Variants in HCK observed in about 807,000 individuals in gnomAD.
HCK encodes the protein tyrosine-protein kinase HCK.
HCK carries 40 observed loss-of-function variants against 70.4 expected under a neutral mutation model. The ratio of observed to expected loss-of-function variants is 0.57; its 90% CI spans 0.44 to 0.74. HCK has a LOEUF of 0.74. Ranked by LOEUF, HCK falls within the 30% of genes least tolerant of loss-of-function variation. HCK has a pLI of 0.00. For synonymous variants in HCK, 245 were observed against 263.2 expected (o/e 0.93, Z 0.67); for missense variants, 568 against 697.2 (o/e 0.81, Z 2.09).
At chr20:32,084,290 C>A in intron 7 of HCK, 101 bp from the exon 8 acceptor site, 1 of 1,331,004 alleles carries the variant, frequency 7.5e-7, no homozygotes, top group Non-Finnish European at 1.0e-6. Flanking sequence ...CCAGGTGGAA[C>A]ACTGGAGAGA....
At chr20:32,099,601 G>A (rs1309260643) in intron 12 of HCK, among the ~76,000 whole-genome samples, 1 of 151,906 alleles carries the variant, frequency 6.6e-6, no homozygotes. Flanking sequence ...TAGGTGATGC[G>A]CCTGCCTCGG....
chr20:32,072,989 A>C (rs1171746140), intron 2 of HCK, among the ~76,000 whole-genome samples: 2 of 151,962 alleles, frequency 1.3e-5, no homozygotes, highest in Non-Finnish European at 2.9e-5. Context: ...AATCCCAGCT[A>C]CTTGGGAGGC....
intron 11 of HCK, among the ~76,000 whole-genome samples, chr20:32,096,030 C>T (rs1271012437): frequency 1.3e-5 from 2 of 151,802 alleles, no homozygotes; most frequent in Non-Finnish European, 2.9e-5. Context: ...GCTGGGATTA[C>T]AAGCATGTGC....
chr20:32,087,202 A>G, intron 9 of HCK, among the ~76,000 whole-genome samples: 1 of 152,198 alleles, frequency 6.6e-6, no homozygotes, highest in Non-Finnish European at 1.5e-5. Context: ...GAGCTGGCAA[A>G]GCAGCAGTTC....
chr20:32,074,731 C>T lies in HCK; in HGVS notation c.428+10C>T, dbSNP rs756690016. 2.5e-6 allele frequency: 4 copies of T among 1,594,750 alleles called. No individual in the cohort carries two copies. The South Asian group carries it at 4.4e-5, about 18-fold the overall frequency. On this transcript the variant is annotated intron_variant, in intron 5 of 12. Transcript: ENST00000375852. ...CTCTGGAGACAGAGGAGTAAGTATC[C>T]TATTTCCTACCTTCCAGAAAGAGGC... is the stretch of plus-strand genomic sequence containing the variant.
At chr20:32,070,508 C>G (rs1389425925) in intron 1 of HCK, among the ~76,000 whole-genome samples, 2 of 152,174 alleles carry the variant, frequency 1.3e-5, no homozygotes, top group African/African-American at 4.8e-5. Context: ...GCCTGGAACA[C>G]TCTTCCCTCA....
intron 1 of HCK, among the ~76,000 whole-genome samples, chr20:32,063,257 A>T (rs1282584516): frequency 1.3e-5 from 2 of 152,188 alleles, no homozygotes; most frequent in Non-Finnish European, 2.9e-5. Context: ...ATTAGATACC[A>T]GGTGCTTCTT....
intron 4 of HCK, among the ~76,000 whole-genome samples, chr20:32,074,114 A>G (rs1270764763): frequency 6.6e-6 from 1 of 152,152 alleles, no homozygotes; most frequent in Admixed American, 6.6e-5. Context: ...ACCAGGCCCC[A>G]TCGAGTCGAC....
chr20:32,066,461 G>A (rs969876729), intron 1 of HCK, among the ~76,000 whole-genome samples: 12 of 151,456 alleles, frequency 7.9e-5, no homozygotes, highest in South Asian at 2.1e-4. Flanking sequence ...ACAGGTGTGC[G>A]CCGCCACACC....
intron 1 of HCK, among the ~76,000 whole-genome samples, chr20:32,053,658 A>G (rs1021399070): frequency 2.0e-5 from 3 of 151,672 alleles, no homozygotes; most frequent in African/African-American, 4.8e-5. Flanking sequence ...AAAAAAAAAA[A>G]AAAGTTACTG....
chr20:32,079,740 C>T (rs1600726859), intron 5 of HCK, 34 bp from the exon 6 acceptor site: 2 of 1,472,032 alleles, frequency 1.4e-6, no homozygotes, highest in Admixed American at 1.7e-5. Context: ...TGCATGACCC[C>T]AGGTTCACAT....
chr20:32,074,298 G>A (rs543271799), intron 4 of HCK, among the ~76,000 whole-genome samples: 1 of 152,230 alleles, frequency 6.6e-6, no homozygotes, highest in South Asian at 2.1e-4. Flanking sequence ...GAACCATTCT[G>A]AGTCTCTATA....
In HCK at chr20:32,069,735, A is replaced by C; in HGVS notation, c.63-1927A>C. On this transcript the variant is annotated intron_variant, in intron 1 of 12. Coordinates refer to ENST00000375852, the MANE Select transcript of HCK (RefSeq NM_002110.5). ...AGTCTTGAGGTGGCAAATCTTTCCCAGTTCCCACCAGAAGAGGTAAATCCT... is the reference window on the plus strand; with the variant it reads ...AGTCTTGAGGTGGCAAATCTTTCCCCGTTCCCACCAGAAGAGGTAAATCCT... 5 of 1,268,362 alleles carry C rather than the reference A, an allele frequency of 3.9e-6. No individual in the cohort carries two copies. In the South Asian group the frequency reaches 6.2e-5, roughly 16 times the overall value. The allele number at this position is 1,268,362 out of a possible 1,614,324, so 78.6% of individuals were successfully genotyped here.
chr20:32,071,764 C>G lies in HCK; in HGVS notation c.165C>G (p.Pro55=), dbSNP rs762293541. 1.2e-5 allele frequency: 19 copies of G among 1,613,936 alleles called. No individual in the cohort carries two copies. The highest frequency in any genetic ancestry group is 1.6e-5 in the Non-Finnish European group (19 of 1,179,910). ...ACTGTCCTGTGTACGTGCCGGATCC[C>G]ACATCCACCATCAAGCCGGTGAGTA... The change falls in exon 2 of 13, where the codon CCC becomes CCG. Residue 55 remains proline, a synonymous_variant. Transcript: ENST00000375852.
At chr20:32,095,266 T>C (rs1475230225) in intron 11 of HCK, among the ~76,000 whole-genome samples, 1 of 152,154 alleles carries the variant, frequency 6.6e-6, no homozygotes, top group African/African-American at 2.4e-5. Context: ...GCAATCTTTT[T>C]TTTTTCTTTG....
At chr20:32,053,390 C>T (rs2045211623) in intron 1 of HCK, among the ~76,000 whole-genome samples, 1 of 151,988 alleles carries the variant, frequency 6.6e-6, no homozygotes, top group African/African-American at 2.4e-5. Flanking sequence ...GTAATCTCAG[C>T]TTTTTGGGAG....
At chr20:32,084,363 T>C (rs763261159) in intron 7 of HCK, 28 bp from the exon 8 acceptor site, 10 of 1,596,018 alleles carry the variant, frequency 6.3e-6, no homozygotes, top group African/African-American at 1.3e-5. Flanking sequence ...TGCTTGTTGC[T>C]CTCAATTGAC....
chr20:32,086,801 G>T lies in HCK; in HGVS notation c.1009G>T (p.Ala337Ser). The T allele has an allele frequency of 6.3e-7, 1 of 1,576,816 alleles. No individual in the cohort carries two copies. Among genetic ancestry groups the T allele is most frequent in the Non-Finnish European group, 8.6e-7 (1 of 1,160,764 alleles). ...CATCTACATCATCACGGAGTTCATG[G>T]CCAAAGGTGCTGCGTGCTGGGGCTG... Residue 337 changes from alanine to serine, a missense_variant, in exon 9 of 13, where the codon GCC becomes TCC. Ala to Ser is a moderately conservative substitution (Grantham distance 99). Transcript: ENST00000375852.
rs58663849 is a variant in HCK at position 32,081,315 on chromosome 20, T to C, written c.532+1438T>C. On this transcript the variant is annotated intron_variant, in intron 6 of 12. Transcript: ENST00000375852. ...TGCTGCAAGGGTGGATTCATGCTGA[T>C]TGGGTGCATGGATGGCAAGAACAGG... Among the ~76,000 whole-genome samples, 576 of 152,240 alleles carry C rather than the reference T, an allele frequency of 3.8e-3. 3 individuals carry two copies. Among genetic ancestry groups the C allele is most frequent in the African/African-American group, 0.013 (550 of 41,518 alleles).
Sources: gnomAD v4.1 joint callset for allele counts (sites outside exome capture counted in the v4.1 genomes callset) on GRCh38, gnomAD v4.1.1 for gene constraint, MANE v1.5 for transcripts, NCBI Gene and HGNC (gene_info 2026-07-23, HGNC 2026-07-21) for gene names.